CACNA1D: variants seen among roughly 807,000 people sequenced by gnomAD.
The protein encoded by CACNA1D is voltage-dependent L-type calcium channel subunit alpha-1D.
CACNA1D carries 55 observed loss-of-function variants against 257.1 expected under a neutral mutation model. That is an observed-to-expected ratio of 0.21 (90% CI 0.17 to 0.27). The LOEUF (loss-of-function observed/expected upper bound fraction) is 0.27. Ranked by LOEUF, CACNA1D falls within the 10% of genes least tolerant of loss-of-function variation. The pLI, the probability that CACNA1D is intolerant of heterozygous loss-of-function variation, is 1.00. For synonymous variants in CACNA1D, 980 were observed against 1,014.9 expected, an observed-to-expected ratio of 0.97 and a Z score of 0.65; for missense variants, 1,876 against 2,784.0, an observed-to-expected ratio of 0.67 and a Z score of 7.34.
intron 3 of CACNA1D, among the ~76,000 whole-genome samples, chr3:53,550,714 G>T (rs1575834077): frequency 6.6e-6 from 1 of 152,164 alleles, no homozygotes; most frequent in East Asian, 1.9e-4. Context: ...CATATCTGAG[G>T]AAAACCATGT....
chr3:53,803,925 G>A (rs1045251990), intron 44 of CACNA1D, among the ~76,000 whole-genome samples: 8 of 152,144 alleles, frequency 5.3e-5, no homozygotes, highest in Non-Finnish European at 1.2e-4. Flanking sequence ...GAGCTCTGGC[G>A]GCCCCAGGGC....
At chr3:53,743,586 T>C (rs1204934897) in intron 22 of CACNA1D, among the ~76,000 whole-genome samples, 2 of 152,214 alleles carry the variant, frequency 1.3e-5, no homozygotes, top group African/African-American at 2.4e-5. Flanking sequence ...TTCTTTGGCC[T>C]CAAAATTTTT....
At chr3:53,759,127 A>C (rs899311508) in intron 29 of CACNA1D, among the ~76,000 whole-genome samples, 1 of 152,176 alleles carries the variant, frequency 6.6e-6, no homozygotes, top group African/African-American at 2.4e-5. Flanking sequence ...AATCATTCCA[A>C]TTTGGGCACA....
In CACNA1D at chr3:53,677,781, T is replaced by C. The variant is rs561150807; in HGVS notation, c.1220+4655T>C. Among the ~76,000 whole-genome samples, 7 of 152,378 alleles carry C rather than the reference T, an allele frequency of 4.6e-5. No homozygotes were observed. In the South Asian group the frequency reaches 1.5e-3, roughly 32 times the overall value. On this transcript the variant is annotated intron_variant, in intron 8 of 47. Transcript: ENST00000350061. ...GGGGAACGGCATTTCTATTACATAGTGGTTAAGCACACCAGCTTTAGAATC... is the reference window on the plus strand; with the variant it reads ...GGGGAACGGCATTTCTATTACATAGCGGTTAAGCACACCAGCTTTAGAATC...
At chr3:53,689,509 T>C (rs9848595) in intron 8 of CACNA1D, among the ~76,000 whole-genome samples, 2,339 of 151,928 alleles carry the variant, frequency 0.015, 57 homozygotes, top group East Asian at 0.085. Flanking sequence ...GGGGTCTGCA[T>C]GGAGGTGCAG....
chr3:53,740,546 A>T, intron 21 of CACNA1D: 1 of 487,000 alleles, frequency 2.1e-6, no homozygotes, highest in Non-Finnish European at 3.7e-6. Flanking sequence ...AGAAGCGTGG[A>T]GTGCTTTTGA....
At chr3:53,580,105 G>A (rs75056747) in intron 3 of CACNA1D, among the ~76,000 whole-genome samples, 7,097 of 152,258 alleles carry the variant, frequency 0.047, 523 homozygotes, top group African/African-American at 0.16. Flanking sequence ...GACCTTCTCT[G>A]CTCCTGCATC....
intron 30 of CACNA1D, among the ~76,000 whole-genome samples, chr3:53,765,152 G>GT (rs2095325218): frequency 6.6e-6 from 1 of 152,206 alleles, no homozygotes; most frequent in Admixed American, 6.5e-5. Flanking sequence ...AAAGGACTGG[G>GT]TGTCCTTAAC....
At chr3:53,715,462 TC>T (rs1252325899) in intron 9 of CACNA1D, among the ~76,000 whole-genome samples, 1 of 151,894 alleles carries the variant, frequency 6.6e-6, no homozygotes, top group Non-Finnish European at 1.5e-5. Flanking sequence ...ACTAGATGCG[TC>T]TGTGCAATGA....
intron 40 of CACNA1D, chr3:53,792,187 T>C (rs1235351138): frequency 2.6e-5 from 4 of 152,232 alleles, no homozygotes; most frequent in Non-Finnish European, 4.4e-5. Context: ...ATCTAGGCAA[T>C]GCACAAAGAT....
At chr3:53,808,987 A>AG (rs1258781448) in intron 46 of CACNA1D, 2 of 585,478 alleles carry the variant, frequency 3.4e-6, no homozygotes, top group Non-Finnish European at 6.0e-6. Context: ...ATTTGAATCC[A>AG]GGGAGCCAGC....
At chr3:53,553,533 G>A (rs1209868175) in intron 3 of CACNA1D, among the ~76,000 whole-genome samples, 2 of 152,172 alleles carry the variant, frequency 1.3e-5, no homozygotes, top group Non-Finnish European at 2.9e-5. Flanking sequence ...GTGTGTATGG[G>A]TATGTGTGTG....
chr3:53,517,013 A>G (rs1028413736), intron 3 of CACNA1D, among the ~76,000 whole-genome samples: 34 of 152,170 alleles, frequency 2.2e-4, no homozygotes, highest in Non-Finnish European at 1.2e-4. Flanking sequence ...CTGCTCTGTA[A>G]CTTTACTTCG....
intron 39 of CACNA1D, chr3:53,786,473 A>T (rs765070950): frequency 1.7e-5 from 5 of 302,752 alleles, no homozygotes; most frequent in Non-Finnish European, 2.5e-5. Context: ...GTGGCCCGTG[A>T]AGCCTCTTTT....
intron 42 of CACNA1D, among the ~76,000 whole-genome samples, chr3:53,801,800 C>T (rs1415418258): frequency 1.3e-5 from 2 of 152,208 alleles, no homozygotes; most frequent in African/African-American, 2.4e-5. Flanking sequence ...CAGTCTTGCA[C>T]CTTCTCAGCT....
intron 3 of CACNA1D, among the ~76,000 whole-genome samples, chr3:53,592,150 A>G (rs1297087110): frequency 6.6e-6 from 1 of 152,158 alleles, no homozygotes; most frequent in Non-Finnish European, 1.5e-5. Flanking sequence ...TTCTAGTGGG[A>G]AGAGAGGTGA....
At chr3:53,638,677 C>T (rs768777846) in intron 3 of CACNA1D, among the ~76,000 whole-genome samples, 1 of 152,236 alleles carries the variant, frequency 6.6e-6, no homozygotes, top group Admixed American at 6.5e-5. Flanking sequence ...GGTAAAGTCA[C>T]TTGCCCAAGT....
rs541211864 is a variant in CACNA1D at position 53,526,100 on chromosome 3, C to T, written c.483+24380C>T. ...GTGAGAGTCTTTGTCCCAGTCCTTC[C>T]AGATGGAGTCTTGTTTCTTCCCATT... On this transcript the variant is annotated intron_variant, in intron 3 of 47. Coordinates refer to ENST00000350061, the MANE Select transcript of CACNA1D (RefSeq NM_001128840.3). 3.9e-5 allele frequency among the ~76,000 whole-genome samples: 6 copies of T among 152,248 alleles called. No homozygotes were observed. The East Asian group carries it at 9.6e-4, about 24-fold the overall frequency.
rs1023380799 is a variant in CACNA1D at position 53,718,715 on chromosome 3, G to A, written c.1478+327G>A. 8.3e-6 allele frequency: 13 copies of A among 1,558,798 alleles called. No individual in the cohort carries two copies. Among genetic ancestry groups the A allele is most frequent in the East Asian group, 4.8e-5 (2 of 42,026 alleles). ...GGAGACGGAGAGGCGCGGCCAAGGC[G>A]GGGCCCTCTGGGTGTCGGCGGTGGG... On this transcript the variant is annotated intron_variant, in intron 10 of 47. Coordinates refer to ENST00000350061, the MANE Select transcript of CACNA1D (RefSeq NM_001128840.3).
Sources: gnomAD v4.1 joint callset for allele counts (sites outside exome capture counted in the v4.1 genomes callset) on GRCh38, gnomAD v4.1.1 for gene constraint, MANE v1.5 for transcripts, NCBI Gene and HGNC (gene_info 2026-07-23, HGNC 2026-07-21) for gene names.